The following FGD3 variants were observed in gnomAD, a reference collection of about 807,000 sequenced individuals.
FGD3 encodes the protein FYVE, RhoGEF and PH domain containing 3.
FGD3 carries 45 observed loss-of-function variants against 71.8 expected under a neutral mutation model. That is an observed-to-expected ratio of 0.63 (90% CI 0.49 to 0.80). The LOEUF is 0.80. Among genes scored for constraint, FGD3 ranks in the 30% least tolerant of loss-of-function variants. FGD3 has a pLI of 0.00. For missense variants in FGD3, 844 were observed against 951.5 expected, an observed-to-expected ratio of 0.89 and a Z score of 1.49; for synonymous variants, 378 against 392.8, an observed-to-expected ratio of 0.96 and a Z score of 0.44.
At chr9:92,976,793 A>T (rs935296534) in intron 3 of FGD3, 84 bp downstream of exon 3, 21 of 1,367,270 alleles carry the variant, frequency 1.5e-5, no homozygotes, top group Non-Finnish European at 2.0e-5. Flanking sequence ...GCGTCATCCC[A>T]CACCTTGTTT....
At chr9:92,950,653 T>C (rs1858937297) in intron 1 of FGD3, among the ~76,000 whole-genome samples, 1 of 151,724 alleles carries the variant, frequency 6.6e-6, no homozygotes, top group Admixed American at 6.6e-5. Context: ...GCAGGAGGGG[T>C]TCATTCAAGG....
intron 14 of FGD3, 54 bp from the exon 15 acceptor site, chr9:93,029,820 G>C: frequency 1.3e-6 from 2 of 1,586,308 alleles, no homozygotes; most frequent in Non-Finnish European, 1.7e-6. Context: ...TGCCGTGTGG[G>C]GTAGGGTGCA....
chr9:92,976,417 A>G lies in FGD3; in HGVS notation c.161A>G (p.Asp54Gly), dbSNP rs1445236208. Residue 54 changes from aspartate (D) to glycine (G), a missense_variant, in exon 3 of 18, where the codon GAC (aspartate) becomes GGC (glycine). Transcript: ENST00000375482. ...GDPVSLAAAG[D>G]GSPDIGPTGE... ...CCTGTCAGCCTGGCTGCAGCAGGGGACGGCTCTCCAGACATAGGCCCCACG... is the reference window on the plus strand; with the variant it reads ...CCTGTCAGCCTGGCTGCAGCAGGGGGCGGCTCTCCAGACATAGGCCCCACG... 1.9e-6 allele frequency: 3 copies of G among 1,611,462 alleles called. No homozygotes were observed. Among genetic ancestry groups the G allele is most frequent in the Admixed American group, 1.7e-5 (1 of 59,728 alleles).
At chr9:93,017,016 C>G (rs1179657611) in intron 10 of FGD3, among the ~76,000 whole-genome samples, 8 of 152,238 alleles carry the variant, frequency 5.3e-5, no homozygotes, top group Non-Finnish European at 1.0e-4. Context: ...CGCCTACAAT[C>G]CTAGTACTTT....
In FGD3 at chr9:93,006,055, C is replaced by G; in HGVS notation, c.712C>G (p.Gln238Glu). 2 of 1,610,992 alleles carry G rather than the reference C, an allele frequency of 1.2e-6. No individual in the cohort carries two copies. The highest frequency in any genetic ancestry group is 1.7e-6 in the Non-Finnish European group (2 of 1,178,858). Residue 238 changes from glutamine (Q) to glutamate (E), a missense_variant, in exon 6 of 18, where the codon CAG (glutamine) becomes GAG (glutamate). By Grantham distance (29) the Gln-to-Glu change is conservative. Transcript: ENST00000375482. ...DTNPRLGDIL[Q>E]KLAPFLKMYG... ...AAACCCACGGCTCGGGGACATCCTG[C>G]AGAAGCTGGCCCCATTCCTGAAGAT...
chr9:93,033,137 C>G (rs978773363), intron 16 of FGD3: 1 of 521,452 alleles, frequency 1.9e-6, no homozygotes, highest in Non-Finnish European at 3.6e-6. Context: ...AGTGTCACTC[C>G]TGGTCACCTG....
At chr9:93,000,901 T>C (rs1337817292) in intron 3 of FGD3, among the ~76,000 whole-genome samples, 1 of 152,208 alleles carries the variant, frequency 6.6e-6, no homozygotes, top group Non-Finnish European at 1.5e-5. Flanking sequence ...TCTCTTCTCT[T>C]TTGGAACTTA....
chr9:93,023,539 C>T (rs558613219), intron 14 of FGD3, among the ~76,000 whole-genome samples: 18 of 152,232 alleles, frequency 1.2e-4, no homozygotes, highest in South Asian at 8.3e-4. Context: ...AAGTCTGACA[C>T]GGGGTGGGCA....
At position 93,004,121 on chromosome 9, in the gene FGD3, C is replaced by G; in HGVS notation, c.664C>G (p.Arg222Gly). The change falls in exon 5 of 18, where the codon CGG becomes GGG. Residue 222 changes from arginine (R) to glycine (G), a missense_variant. Transcript: ENST00000375482. ...GTTCCTGCTGCCGGAGCTGAAGACG[C>G]GGATCACGGAGGAGTGGTGAGTACC... ...GQFLLPELKTRITEEWDTNPR... is the reference protein window; with the variant it reads ...GQFLLPELKTGITEEWDTNPR... 1.2e-6 allele frequency: 2 copies of G among 1,614,010 alleles called. No homozygotes were observed. Among genetic ancestry groups the G allele is most frequent in the South Asian group, 1.1e-5 (1 of 91,092 alleles).
At chr9:93,012,153 C>CAA (rs60323624) in intron 8 of FGD3, among the ~76,000 whole-genome samples, 20 of 118,408 alleles carry the variant, frequency 1.7e-4, no homozygotes, top group African/African-American at 4.8e-4. Context: ...GACTCTGTCT[C>CAA]AAAAAAAAAA....
At chr9:92,997,274 T>G (rs1860684008) in intron 3 of FGD3, among the ~76,000 whole-genome samples, 3 of 152,226 alleles carry the variant, frequency 2.0e-5, no homozygotes, top group Admixed American at 2.0e-4. Context: ...TAAAGACTGT[T>G]TTATCAGAGA....
At chr9:93,015,069 A>G (rs1861615923) in intron 9 of FGD3, among the ~76,000 whole-genome samples, 3 of 151,266 alleles carry the variant, frequency 2.0e-5, no homozygotes, top group Admixed American at 6.7e-5. Flanking sequence ...CAAATGTCAC[A>G]TCAATGCCAT....
intron 13 of FGD3, among the ~76,000 whole-genome samples, chr9:93,021,757 T>C (rs1286728038): frequency 6.6e-6 from 1 of 152,196 alleles, no homozygotes; most frequent in Non-Finnish European, 1.5e-5. Context: ...CACTTCATAT[T>C]TGTATCAAGT....
intron 11 of FGD3, among the ~76,000 whole-genome samples, chr9:93,018,531 G>A (rs1242928848): frequency 6.6e-6 from 1 of 152,164 alleles, no homozygotes; most frequent in Non-Finnish European, 1.5e-5. Context: ...ACAGGAACTA[G>A]GGAGGGGCAA....
chr9:93,012,954 A>G (rs926890973), intron 8 of FGD3, among the ~76,000 whole-genome samples: 1 of 151,426 alleles, frequency 6.6e-6, no homozygotes, highest in East Asian at 1.9e-4. Context: ...CACCAGCTGC[A>G]CACGCAGCTC....
chr9:93,009,169 A>T (rs923869162), intron 6 of FGD3, among the ~76,000 whole-genome samples: 4 of 151,854 alleles, frequency 2.6e-5, no homozygotes, highest in Admixed American at 6.6e-5. Context: ...AGGCTGAGGC[A>T]GGAGAATTGC....
chr9:92,987,123 A>G (rs1322540526), intron 3 of FGD3, among the ~76,000 whole-genome samples: 1 of 152,220 alleles, frequency 6.6e-6, no homozygotes, highest in Non-Finnish European at 1.5e-5. Flanking sequence ...TTTGGAAAAC[A>G]ACCAATTTTA....
chr9:92,966,090 G>A (rs1037800027), intron 1 of FGD3, among the ~76,000 whole-genome samples: 2 of 152,212 alleles, frequency 1.3e-5, no homozygotes, highest in Non-Finnish European at 2.9e-5. Context: ...AGGATATGAG[G>A]ACCTTCATTC....
chr9:93,035,257 C>T (rs536062808), intron 17 of FGD3, 81 bp from the exon 18 acceptor site: 7 of 1,532,924 alleles, frequency 4.6e-6, no homozygotes, highest in African/African-American at 4.1e-5. Context: ...GGAGTGGCCT[C>T]CTGGGAGAGG....
Sources: allele counts gnomAD v4.1 joint callset (sites outside exome capture counted in the v4.1 genomes callset), GRCh38; gene constraint gnomAD v4.1.1; transcripts MANE v1.5; gene names NCBI Gene and HGNC (gene_info 2026-07-23, HGNC 2026-07-21).